The following DMD variants were observed in gnomAD, a reference collection of about 807,000 sequenced individuals.
The protein encoded by DMD is mutant dystrophin.
A neutral mutation model predicts 330.1 loss-of-function variants in DMD; 63 were observed. That is an observed-to-expected ratio of 0.19 (90% confidence interval 0.16 to 0.24). The LOEUF (loss-of-function observed/expected upper bound fraction) is 0.24, where lower values mean the gene tolerates loss of function less well. DMD is among the 10% of genes least tolerant of loss of function. The pLI is 1.00. For missense variants in DMD, 3,344 were observed against 2,684.1 expected (o/e 1.25, Z -5.43); for synonymous variants, 1,223 against 959.8 (o/e 1.27, Z -5.07).
chrX:32,247,825 T>C (rs1317625555), intron 43 of DMD, among the ~76,000 whole-genome samples: 1 of 111,438 alleles, frequency 9.0e-6, no homozygotes, highest in Admixed American at 9.6e-5. Context: ...TATATGTTAT[T>C]CAGTTTTATA....
intron 1 of DMD, chrX:33,128,181 G>T: frequency 2.5e-6 from 3 of 1,205,499 alleles, no homozygotes; most frequent in Non-Finnish European, 3.4e-6. Context: ...ATTCTGCGGA[G>T]GCTGGCTACA....
At chrX:31,242,262 CAAAA>C (rs72176984) in intron 63 of DMD, among the ~76,000 whole-genome samples, 8 of 24,647 alleles carry the variant, frequency 3.2e-4, no homozygotes, top group Admixed American at 7.9e-4. Context: ...TCTCAAAAAG[CAAAA>C]AAAAAAAAAA....
intron 7 of DMD, among the ~76,000 whole-genome samples, chrX:32,804,776 G>C (rs937479678): frequency 8.9e-6 from 1 of 112,281 alleles, no homozygotes; most frequent in African/African-American, 3.2e-5. Context: ...CCAGAGGATG[G>C]AACAGGCAGC....
intron 4 of DMD, among the ~76,000 whole-genome samples, chrX:32,830,069 G>C (rs2079038372): frequency 9.0e-6 from 1 of 111,591 alleles, no homozygotes; most frequent in South Asian, 3.7e-4. Flanking sequence ...CTCTAGAGGA[G>C]GGAGGTATTT....
chrX:32,652,214 C>T (rs1441327059), intron 9 of DMD, among the ~76,000 whole-genome samples: 1 of 109,895 alleles, frequency 9.1e-6, no homozygotes, highest in Non-Finnish European at 1.9e-5. Flanking sequence ...TATACATGTG[C>T]CATGATGGTG....
chrX:31,624,849 A>G (rs902699295), intron 55 of DMD, among the ~76,000 whole-genome samples: 1 of 112,282 alleles, frequency 8.9e-6, no homozygotes, highest in African/African-American at 3.2e-5. Context: ...TGTTCAAAAT[A>G]AAAATTCATA....
chrX:32,109,942 A>G (rs1163837884), intron 44 of DMD, among the ~76,000 whole-genome samples: 1 of 111,723 alleles, frequency 9.0e-6, no homozygotes, highest in Non-Finnish European at 1.9e-5. Context: ...GTCAAATAAC[A>G]CCAACATCAA....
At chrX:31,428,886 C>T (rs1306950577) in intron 60 of DMD, among the ~76,000 whole-genome samples, 1 of 111,760 alleles carries the variant, frequency 8.9e-6, no homozygotes. Context: ...ACTTGGGAGG[C>T]CAAGGCGGGC....
chrX:32,460,717 G>A (rs918416564), intron 25 of DMD, among the ~76,000 whole-genome samples: 27 of 110,853 alleles, frequency 2.4e-4, no homozygotes, highest in African/African-American at 7.5e-4. Flanking sequence ...CCTACTACTC[G>A]GGTATCAGCT....
In DMD at chrX:33,067,806, C is replaced by T. The variant is rs184131662; in HGVS notation, c.32-47606G>A. On this transcript the variant is annotated intron_variant, in intron 1 of 78. Transcript: ENST00000357033. ...GTTGCAGTGAGCCGAGATCACACCA[C>T]TGCACTCCAGCCTGGGCGACAGAGC... 2.7e-5 allele frequency among the ~76,000 whole-genome samples: 3 copies of T among 111,846 alleles called. No homozygotes were observed. In the East Asian group the frequency reaches 8.5e-4, roughly 32 times the overall value.
At chrX:32,616,745 C>A (rs1183533091) in intron 11 of DMD, among the ~76,000 whole-genome samples, 1 of 81,536 alleles carries the variant, frequency 1.2e-5, no homozygotes. Context: ...AACCCAAGAT[C>A]CTGTTGCTAG....
rs143915160 is a variant in DMD at position 33,061,727 on chromosome X, C to T, written c.32-41527G>A. Among the ~76,000 whole-genome samples, 591 of 111,248 alleles carry T rather than the reference C, an allele frequency of 5.3e-3. 5 individuals are homozygous for T. Among genetic ancestry groups the T allele is most frequent in the African/African-American group, 0.017 (535 of 30,608 alleles). ...CCCCAGGAATTCTATAATGGTTAGA[C>T]GATAGCTGTAAATACGCTCCTGTGT... On this transcript the variant is annotated intron_variant, in intron 1 of 78. Coordinates refer to ENST00000357033, the MANE Select transcript of DMD (RefSeq NM_004006.3).
At position 33,051,517 on chromosome X, in the gene DMD, C is replaced by T. The variant is rs564027549; in HGVS notation, c.32-31317G>A. On this transcript the variant is annotated intron_variant, in intron 1 of 78. Coordinates refer to ENST00000357033, the MANE Select transcript of DMD (RefSeq NM_004006.3). ...GTGAGCCCCTGCGCCTGGCCTCAAC[C>T]GACTTTTTTAGACCACAGGTAAATG... Among the ~76,000 whole-genome samples the T allele has an allele frequency of 3.2e-4, 35 of 108,232 alleles. No individual in the cohort carries two copies. In the South Asian group the frequency reaches 0.013, roughly 41 times the overall value. 94.0% of individuals were successfully genotyped at this position (108,232 alleles called of 115,157 possible).
At chrX:32,331,304 A>T (rs997856659) in intron 41 of DMD, among the ~76,000 whole-genome samples, 3 of 111,538 alleles carry the variant, frequency 2.7e-5, no homozygotes, top group African/African-American at 9.7e-5. Flanking sequence ...AAATGTAATA[A>T]TTTTTCAAGG....
intron 53 of DMD, among the ~76,000 whole-genome samples, chrX:31,661,153 G>A (rs999075935): frequency 4.5e-5 from 5 of 111,569 alleles, no homozygotes; most frequent in Non-Finnish European, 9.4e-5. Context: ...AGAAATACGC[G>A]TGCCATATAT....
chrX:32,195,802 C>CT (rs779448932), intron 44 of DMD, among the ~76,000 whole-genome samples: 5 of 111,342 alleles, frequency 4.5e-5, no homozygotes, highest in African/African-American at 1.6e-4. Context: ...GTTGTTCCCT[C>CT]TTTCTATCTG....
At chrX:32,842,648 T>C (rs2080271105) in intron 4 of DMD, among the ~76,000 whole-genome samples, 1 of 111,198 alleles carries the variant, frequency 9.0e-6, no homozygotes, top group Non-Finnish European at 1.9e-5. Context: ...AGTGTTTAGC[T>C]CGTACTTATT....
intron 44 of DMD, among the ~76,000 whole-genome samples, chrX:32,027,736 T>C (rs902044210): frequency 1.8e-5 from 2 of 112,251 alleles, no homozygotes; most frequent in Non-Finnish European, 3.8e-5. Context: ...TGAGGAATAA[T>C]GCGAGTGCTG....
intron 11 of DMD, among the ~76,000 whole-genome samples, chrX:32,623,692 A>AT (rs1221629208): frequency 9.1e-6 from 1 of 109,420 alleles, no homozygotes; most frequent in Non-Finnish European, 1.9e-5. Context: ...TCCCTGGCAA[A>AT]TTTTTAACTC....
Sources: allele counts gnomAD v4.1 joint callset (sites outside exome capture counted in the v4.1 genomes callset), GRCh38; gene constraint gnomAD v4.1.1; transcripts MANE v1.5; gene names NCBI Gene and HGNC (gene_info 2026-07-23, HGNC 2026-07-21).